The following CFAP20DC variants were observed in gnomAD, a reference collection of about 807,000 sequenced individuals.
The protein encoded by CFAP20DC is CFAP20 domain containing.
A neutral mutation model predicts 101.7 loss-of-function variants in CFAP20DC; 84 were observed. That is an observed-to-expected ratio of 0.83 (90% CI 0.69 to 0.99). The LOEUF (loss-of-function observed/expected upper bound fraction) is 0.99, where lower values mean the gene tolerates loss of function less well. Ranked by LOEUF, CFAP20DC falls within the 50% of genes least tolerant of loss-of-function variation. The pLI, the probability that CFAP20DC is intolerant of heterozygous loss-of-function variation, is 0.00. For synonymous variants in CFAP20DC, 359 were observed against 351.2 expected (o/e 1.02, Z -0.25); for missense variants, 1,007 against 970.3 (o/e 1.04, Z -0.50).
chr3:58,993,831 AATG>A (rs2093020328), intron 4 of CFAP20DC, among the ~76,000 whole-genome samples: 2 of 152,316 alleles, frequency 1.3e-5, no homozygotes, highest in African/African-American at 4.8e-5. Context: ...CCAGTCTATC[AATG>A]ATGGGCATTT....
chr3:58,937,885 G>T, intron 4 of CFAP20DC, 123 bp from the exon 5 acceptor site: 1 of 643,142 alleles, frequency 1.6e-6, no homozygotes, highest in South Asian at 1.9e-5. Flanking sequence ...ATCAAACACA[G>T]AATTTAAGAA....
At chr3:58,743,604 T>G (rs2068002231) in intron 16 of CFAP20DC, among the ~76,000 whole-genome samples, 1 of 152,140 alleles carries the variant, frequency 6.6e-6, no homozygotes, top group South Asian at 2.1e-4. Flanking sequence ...CAGAAGAGTT[T>G]GGATGGTGGG....
chr3:59,017,025 T>C (rs2093703614), intron 4 of CFAP20DC, among the ~76,000 whole-genome samples: 1 of 152,138 alleles, frequency 6.6e-6, no homozygotes, highest in Admixed American at 6.6e-5. Context: ...TCAGCTGCTG[T>C]GGCATCCACA....
chr3:58,730,036 A>G (rs905866604), intron 3 of CFAP20DC, among the ~76,000 whole-genome samples: 8 of 148,356 alleles, frequency 5.4e-5, no homozygotes, highest in Admixed American at 2.6e-4. Flanking sequence ...AAAAAAAAAA[A>G]AAAGAAAGTT....
At chr3:59,049,457 C>T (rs576725831) in intron 1 of CFAP20DC, among the ~76,000 whole-genome samples, 154 bp downstream of exon 1, 1 of 152,206 alleles carries the variant, frequency 6.6e-6, no homozygotes, top group Admixed American at 6.5e-5. Context: ...TTCCTTCTCT[C>T]TGGGTCAACA....
At chr3:58,808,097 T>C (rs1212817492) in intron 14 of CFAP20DC, among the ~76,000 whole-genome samples, 3 of 152,198 alleles carry the variant, frequency 2.0e-5, no homozygotes, top group Non-Finnish European at 4.4e-5. Context: ...ATTGGTGTAC[T>C]TGAAAGTGAC....
chr3:59,031,277 T>C (rs1256369914), intron 4 of CFAP20DC, among the ~76,000 whole-genome samples: 1 of 152,148 alleles, frequency 6.6e-6, no homozygotes, highest in African/African-American at 2.4e-5. Context: ...AAATGTCTTG[T>C]ACAATTTTGA....
chr3:58,842,578 A>G (rs1366672696), intron 13 of CFAP20DC, among the ~76,000 whole-genome samples: 6 of 151,806 alleles, frequency 4.0e-5, no homozygotes, highest in Admixed American at 3.9e-4. Flanking sequence ...GGCGGCAGCG[A>G]GCTGGGGGAG....
At chr3:58,806,574 G>A (rs994303948) in intron 14 of CFAP20DC, 118 bp from the exon 15 acceptor site, 6 of 756,202 alleles carry the variant, frequency 7.9e-6, no homozygotes, top group Non-Finnish European at 1.2e-5. Context: ...AGAAGGGTAT[G>A]GGTGGGAGGG....
chr3:58,868,583 A>G lies in CFAP20DC; in HGVS notation c.1016-647T>C, dbSNP rs892623134. Among the ~76,000 whole-genome samples, 5 of 152,176 alleles carry G rather than the reference A, an allele frequency of 3.3e-5. No homozygotes were observed. Among genetic ancestry groups the G allele is most frequent in the African/African-American group, 9.6e-5 (4 of 41,452 alleles). On this transcript the variant is annotated intron_variant, in intron 9 of 16. Coordinates refer to ENST00000482387, the MANE Select transcript of CFAP20DC (RefSeq NM_001394063.1). The surrounding 1 kb of genome is among the most constrained non-coding windows in gnomAD (Gnocchi z 4.6). ...TTTACAGAGGAGAAAACTAAGGTTC[A>G]CAGCGTTTAAGAAACTTGATCAAGG...
chr3:58,890,603 G>T (rs557465995), intron 6 of CFAP20DC, among the ~76,000 whole-genome samples: 3 of 151,522 alleles, frequency 2.0e-5, no homozygotes, highest in Non-Finnish European at 4.4e-5. Context: ...GGTGGCTGCC[G>T]GGCGGAGACG....
At position 59,000,866 on chromosome 3, in the gene CFAP20DC, T is replaced by C. The variant is rs146596118; in HGVS notation, c.278+38691A>G. Among the ~76,000 whole-genome samples, 647 of 152,150 alleles carry C rather than the reference T, an allele frequency of 4.3e-3. 6 individuals carry two copies. The highest frequency in any genetic ancestry group is 0.015 in the African/African-American group (623 of 41,506). On this transcript the variant is annotated intron_variant, in intron 4 of 16. Coordinates refer to ENST00000482387, the MANE Select transcript of CFAP20DC (RefSeq NM_001394063.1). ...AGTTGATATTTAGGTGAATAATATA[T>C]GAAAAATATCACAGTTTGGAACTCA...
chr3:59,028,695 G>T (rs2093935079), intron 4 of CFAP20DC, among the ~76,000 whole-genome samples: 1 of 152,082 alleles, frequency 6.6e-6, no homozygotes, highest in South Asian at 2.1e-4. Context: ...TCCTTTCTAG[G>T]TTTCAGTTCC....
chr3:58,768,871 T>C (rs1358222896), intron 15 of CFAP20DC, among the ~76,000 whole-genome samples: 1 of 152,216 alleles, frequency 6.6e-6, no homozygotes, highest in African/African-American at 2.4e-5. Context: ...TAGAGGAGCC[T>C]TGCTTGAGTT....
At chr3:58,790,800 T>C (rs77051865) in intron 15 of CFAP20DC, among the ~76,000 whole-genome samples, 8,463 of 152,140 alleles carry the variant, frequency 0.056, 517 homozygotes, top group East Asian at 0.35. Context: ...TTAAAAGGTA[T>C]CCAAAGGACG....
At chr3:58,862,249 A>T (rs914491254) in intron 12 of CFAP20DC, 1 of 985,164 alleles carries the variant, frequency 1.0e-6, no homozygotes, top group Non-Finnish European at 1.2e-6. Context: ...AGTCTATTCT[A>T]TTCATAAAAT....
chr3:58,873,770 C>T (rs1307073730), intron 7 of CFAP20DC, among the ~76,000 whole-genome samples: 1 of 151,806 alleles, frequency 6.6e-6, no homozygotes. Context: ...GATAGCTGTT[C>T]TAGATGTTGT....
rs555561150 is a variant in CFAP20DC, at chr3:58,843,826, C to A, written c.1971+5206G>T. Reference sequence around the variant, plus strand: ...TAACAGCGGATCTCTCGGCAGAAACCCTACAAGCCAGAAGAGAGTGGGGGC... The same window carrying A: ...TAACAGCGGATCTCTCGGCAGAAACACTACAAGCCAGAAGAGAGTGGGGGC... On this transcript the variant is annotated intron_variant, in intron 13 of 16. Transcript: ENST00000482387. Among the ~76,000 whole-genome samples the A allele has an allele frequency of 6.9e-3, 992 of 143,120 alleles. 9 individuals carry two copies. The highest frequency in any genetic ancestry group is 0.022 in the South Asian group (89 of 4,082). The allele number at this position is 143,120 out of a possible 152,430, so 93.9% of individuals were successfully genotyped here.
At chr3:58,967,548 T>C (rs1364076201) in intron 4 of CFAP20DC, among the ~76,000 whole-genome samples, 2 of 152,116 alleles carry the variant, frequency 1.3e-5, no homozygotes, top group Non-Finnish European at 2.9e-5. Context: ...CCTCAAAGGA[T>C]GCTATCAAGA....
Sources: allele counts gnomAD v4.1 joint callset (sites outside exome capture counted in the v4.1 genomes callset), GRCh38; gene constraint gnomAD v4.1.1; non-coding constraint Gnocchi (gnomAD v3.1); transcripts MANE v1.5; gene names NCBI Gene and HGNC (gene_info 2026-07-23, HGNC 2026-07-21).